ZDHHC13: variants seen among roughly 807,000 people sequenced by gnomAD.
The protein encoded by ZDHHC13 is palmitoyltransferase ZDHHC13.
A neutral mutation model predicts 86.0 loss-of-function variants in ZDHHC13; 85 were observed. That is an observed-to-expected ratio of 0.99 (90% CI 0.83 to 1.18). ZDHHC13 has a LOEUF of 1.18. ZDHHC13 is among the 50% of genes most tolerant of loss of function. The pLI, the probability that ZDHHC13 is intolerant of heterozygous loss-of-function variation, is 0.00. For missense variants in ZDHHC13, 711 were observed against 730.2 expected, an observed-to-expected ratio of 0.97 and a Z score of 0.30; for synonymous variants, 263 against 246.4, an observed-to-expected ratio of 1.07 and a Z score of -0.63.
intron 1 of ZDHHC13, among the ~76,000 whole-genome samples, chr11:19,132,861 G>C (rs1849032404): frequency 6.6e-6 from 1 of 151,804 alleles, no homozygotes; most frequent in Non-Finnish European, 1.5e-5. Context: ...ACTTTTCTAG[G>C]TTTCTTTATT....
intron 8 of ZDHHC13, among the ~76,000 whole-genome samples, chr11:19,153,592 C>G (rs972446535): frequency 6.6e-6 from 1 of 152,164 alleles, no homozygotes; most frequent in African/African-American, 2.4e-5. Context: ...ACTTCTCCCC[C>G]ATCTCTTGTT....
intron 13 of ZDHHC13, among the ~76,000 whole-genome samples, chr11:19,165,776 G>GCTTTTACAA (rs1444184851): frequency 6.6e-6 from 1 of 152,176 alleles, no homozygotes; most frequent in Non-Finnish European, 1.5e-5. Context: ...CAGAGGTGGT[G>GCTTTTACAA]CTTTTACAAA....
intron 9 of ZDHHC13, 72 bp downstream of exon 9, chr11:19,156,001 G>C: frequency 6.7e-7 from 1 of 1,488,468 alleles, no homozygotes; most frequent in South Asian, 1.4e-5. Flanking sequence ...TTGTTGGTTA[G>C]CTGGAGTCAC....
At chr11:19,154,963 T>C (rs549167557) in intron 8 of ZDHHC13, among the ~76,000 whole-genome samples, 2 of 152,358 alleles carry the variant, frequency 1.3e-5, no homozygotes, top group African/African-American at 2.4e-5. Context: ...CTAGACCTAC[T>C]TTTGACTGCC....
chr11:19,132,994 C>T (rs1849036102), intron 1 of ZDHHC13, among the ~76,000 whole-genome samples: 1 of 151,976 alleles, frequency 6.6e-6, no homozygotes, highest in South Asian at 2.1e-4. Flanking sequence ...TTTATAAGGG[C>T]TACCATTCAA....
rs563409613 is a variant in ZDHHC13, at chr11:19,172,794, G to A, written c.1704G>A (p.Thr568=). 1.4e-5 allele frequency: 23 copies of A among 1,605,214 alleles called. No individual in the cohort carries two copies. Among genetic ancestry groups the A allele is most frequent in the Non-Finnish European group, 1.7e-5 (20 of 1,175,942 alleles). The change falls in exon 16 of 17, where the codon ACG becomes ACA. Residue 568 remains threonine (T), a synonymous_variant. Coordinates refer to ENST00000446113, the MANE Select transcript of ZDHHC13 (RefSeq NM_019028.3). ...LQKQSKHMKQ[T]LSLRKTPYNL... ...AGCAGAGCAAGCATATGAAACAGACGTTGTCCCTCAGGAAGACACCATACA... is the reference window on the plus strand; with the variant it reads ...AGCAGAGCAAGCATATGAAACAGACATTGTCCCTCAGGAAGACACCATACA...
chr11:19,166,333 C>T lies in ZDHHC13; in HGVS notation c.1422C>T (p.Phe474=). The T allele has an allele frequency of 1.2e-6, 2 of 1,612,010 alleles. No individual in the cohort carries two copies. The highest frequency in any genetic ancestry group is 1.7e-6 in the Non-Finnish European group (2 of 1,179,350). The change falls in exon 14 of 17, where the codon TTC becomes TTT. Residue 474 remains phenylalanine, a synonymous_variant. Coordinates refer to ENST00000446113, the MANE Select transcript of ZDHHC13 (RefSeq NM_019028.3). The part of the protein sequence containing the change: ...GFGNHHYYIF[F]LFFLSMVCGW... Reference sequence around the variant, plus strand: ...GCAACCATCACTATTACATATTCTTCTTGTTTTTCCTTTCCATGGTATGTG... The same window carrying T: ...GCAACCATCACTATTACATATTCTTTTTGTTTTTCCTTTCCATGGTATGTG...
chr11:19,124,683 CTAAAG>C (rs1268722710), intron 1 of ZDHHC13, among the ~76,000 whole-genome samples: 3 of 151,654 alleles, frequency 2.0e-5, no homozygotes, highest in Non-Finnish European at 4.4e-5. Context: ...GAAAAGCATC[CTAAAG>C]TAATGTTTTT....
At chr11:19,140,164 C>A (rs1407918539) in intron 1 of ZDHHC13, among the ~76,000 whole-genome samples, 1 of 150,564 alleles carries the variant, frequency 6.6e-6, no homozygotes, top group African/African-American at 2.5e-5. Context: ...GCAACCTACT[C>A]ATCTGACAAA....
chr11:19,131,061 C>G (rs1848988982), intron 1 of ZDHHC13, among the ~76,000 whole-genome samples: 1 of 151,956 alleles, frequency 6.6e-6, no homozygotes, highest in African/African-American at 2.4e-5. Context: ...CTTTCTCACC[C>G]AGGCTGGAGT....
intron 1 of ZDHHC13, among the ~76,000 whole-genome samples, chr11:19,124,738 G>A (rs1356091446): frequency 1.3e-5 from 2 of 150,006 alleles, no homozygotes; most frequent in African/African-American, 4.8e-5. Flanking sequence ...TTTATTTTTA[G>A]CTGTGTGTGA....
At position 19,172,798 on chromosome 11, in the gene ZDHHC13, T is replaced by A. The variant is rs775665844; in HGVS notation, c.1708T>A (p.Ser570Thr). Reference protein sequence around the residue: ...KQSKHMKQTLSLRKTPYNLGF... With the variant: ...KQSKHMKQTLTLRKTPYNLGF... ...GAGCAAGCATATGAAACAGACGTTGTCCCTCAGGAAGACACCATACAAGTA... is the reference window on the plus strand; with the variant it reads ...GAGCAAGCATATGAAACAGACGTTGACCCTCAGGAAGACACCATACAAGTA... The change falls in exon 16 of 17, where the codon TCC becomes ACC. Residue 570 changes from serine (S) to threonine (T), a missense_variant. Coordinates refer to ENST00000446113, the MANE Select transcript of ZDHHC13 (RefSeq NM_019028.3). 6.2e-6 allele frequency: 10 copies of A among 1,604,626 alleles called. No individual in the cohort carries two copies. The East Asian group carries it at 2.2e-4, about 36-fold the overall frequency.
chr11:19,143,093 C>T lies in ZDHHC13; in HGVS notation c.143C>T (p.Ser48Phe). The change falls in exon 2 of 17, where the codon TCT becomes TTT. Residue 48 changes from serine to phenylalanine, a missense_variant. Coordinates refer to ENST00000446113, the MANE Select transcript of ZDHHC13 (RefSeq NM_019028.3). ...GAAGCTCTTCCTCTTATAGAGGACT[C>T]TAGTAACTGTGACATTGTCAAAGCT... ...AREALPLIED[S>F]SNCDIVKATQ... 6.2e-7 allele frequency: 1 copy of T among 1,613,100 alleles called. No individual in the cohort carries two copies. Among genetic ancestry groups the T allele is most frequent in the Non-Finnish European group, 8.5e-7 (1 of 1,179,384 alleles).
intron 12 of ZDHHC13, 21 bp downstream of exon 12, chr11:19,164,384 T>C: frequency 6.2e-7 from 1 of 1,609,210 alleles, no homozygotes; most frequent in South Asian, 1.1e-5. Context: ...TCATATAATT[T>C]TTTTCCGTAG....
intron 9 of ZDHHC13, 96 bp downstream of exon 9, chr11:19,156,025 G>C: frequency 7.1e-7 from 1 of 1,403,514 alleles, no homozygotes; most frequent in South Asian, 1.5e-5. Flanking sequence ...TTTTTATCAT[G>C]CTGTAAATAT....
At chr11:19,144,125 C>G (rs147811796) in intron 2 of ZDHHC13, among the ~76,000 whole-genome samples, 2 of 152,182 alleles carry the variant, frequency 1.3e-5, no homozygotes, top group African/African-American at 4.8e-5. Context: ...TATATTAACT[C>G]TAGAGGCCTT....
At chr11:19,173,682 G>T (rs149876707) in intron 16 of ZDHHC13, among the ~76,000 whole-genome samples, 5 of 152,166 alleles carry the variant, frequency 3.3e-5, no homozygotes, top group Admixed American at 3.3e-4. Flanking sequence ...GGAAAGGAGC[G>T]TAAACTTGTG....
At chr11:19,152,464 G>A (rs1849638762) in intron 7 of ZDHHC13, 95 bp from the exon 8 acceptor site, 1 of 1,451,840 alleles carries the variant, frequency 6.9e-7, no homozygotes, top group African/African-American at 1.4e-5. Context: ...TTGGAATAAT[G>A]TGTTGAGTCT....
chr11:19,132,908 T>C (rs1480758691), intron 1 of ZDHHC13, among the ~76,000 whole-genome samples: 1 of 152,182 alleles, frequency 6.6e-6, no homozygotes, highest in African/African-American at 2.4e-5. Flanking sequence ...CAATCCTACT[T>C]ATCCCATCAT....
Sources: gnomAD v4.1 joint callset for allele counts (sites outside exome capture counted in the v4.1 genomes callset) on GRCh38, gnomAD v4.1.1 for gene constraint, MANE v1.5 for transcripts, NCBI Gene and HGNC (gene_info 2026-07-23, HGNC 2026-07-21) for gene names.